ZNRF3: variants seen among roughly 807,000 people sequenced by gnomAD.
ZNRF3 encodes E3 ubiquitin-protein ligase ZNRF3.
In ZNRF3, 23 loss-of-function variants were observed where a neutral mutation model predicts 72.5. That is an observed-to-expected ratio of 0.32 (90% confidence interval 0.23 to 0.45). ZNRF3 has a LOEUF of 0.45. ZNRF3 is among the 20% of genes least tolerant of loss of function. The pLI is 1.00. For synonymous variants in ZNRF3, 610 were observed against 545.3 expected (o/e 1.12, Z -1.65); for missense variants, 1,169 against 1,272.1 (o/e 0.92, Z 1.23).
chr22:28,964,788 C>T lies in ZNRF3; in HGVS notation c.301-22288C>T, dbSNP rs79880979. ...CAGCAACAGGGCATCCCGCAGCTCA[C>T]GCTGCGGTCATCTGGCCCCTTCTGT... On this transcript the variant is annotated intron_variant, in intron 1 of 8. Coordinates refer to ENST00000544604, the MANE Select transcript of ZNRF3 (RefSeq NM_001206998.2). Among the ~76,000 whole-genome samples, 599 of 152,374 alleles carry T rather than the reference C, an allele frequency of 3.9e-3. 1 individual carries two copies. Among genetic ancestry groups the T allele is most frequent in the Non-Finnish European group, 7.0e-3 (479 of 68,040 alleles).
At chr22:28,978,947 G>A (rs1298746692) in intron 1 of ZNRF3, among the ~76,000 whole-genome samples, 13 of 152,248 alleles carry the variant, frequency 8.5e-5, no homozygotes, top group African/African-American at 2.6e-4. Context: ...CAATCCTGGT[G>A]TAAGTTTTTG....
At position 29,048,371 on chromosome 22, in the gene ZNRF3, C is replaced by G; in HGVS notation, c.913-18C>G. The G allele has an allele frequency of 2.5e-6, 4 of 1,609,290 alleles. No individual in the cohort carries two copies. In the African/African-American group the frequency reaches 4.0e-5, roughly 16 times the overall value. On this transcript the variant is annotated intron_variant, in intron 6 of 8. Transcript: ENST00000544604. This position sits in a 1 kb window ranked among gnomAD's most constrained non-coding sequence, Gnocchi z 4.9. ...GCGAGGCTGAAGGCAGACTTGTGTC[C>G]CCTCTCTCCCTGCCCAGGAGCTGCG... is the stretch of plus-strand genomic sequence containing the variant.
At position 29,050,521 on chromosome 22, in the gene ZNRF3, C is replaced by T. The variant is rs2037181443; in HGVS notation, c.2340C>T (p.Cys780=). 3 of 1,612,290 alleles carry T rather than the reference C, an allele frequency of 1.9e-6. No homozygotes were observed. The highest frequency in any genetic ancestry group is 2.7e-5 in the African/African-American group (2 of 75,038). ...DGVKYEGLPC[C]FYEEKQVARG... ...TGAAATACGAGGGTCTGCCCTGCTG[C>T]TTCTATGAAGAGAAGCAGGTGGCCC... Residue 780 remains cysteine (C), a synonymous_variant, in exon 8 of 9, where the codon TGC becomes TGT. Coordinates refer to ENST00000544604, the MANE Select transcript of ZNRF3 (RefSeq NM_001206998.2).
chr22:29,028,555 C>T (rs1254616335), intron 2 of ZNRF3, among the ~76,000 whole-genome samples: 1 of 152,178 alleles, frequency 6.6e-6, no homozygotes, highest in Non-Finnish European at 1.5e-5. Context: ...ATCTCCATTA[C>T]ACTTGATTTT....
chr22:28,900,441 T>C (rs2034081468), intron 1 of ZNRF3, among the ~76,000 whole-genome samples: 1 of 152,206 alleles, frequency 6.6e-6, no homozygotes, highest in East Asian at 1.9e-4. Context: ...TCTATGGTAC[T>C]TGGTATTGTG....
intron 1 of ZNRF3, among the ~76,000 whole-genome samples, chr22:28,934,708 C>T (rs2034787958): frequency 6.6e-6 from 1 of 151,282 alleles, no homozygotes; most frequent in Non-Finnish European, 1.5e-5. Flanking sequence ...GTCTGAGCTA[C>T]TCCAGAGGCT....
At chr22:29,001,929 G>C (rs1396155508) in intron 2 of ZNRF3, among the ~76,000 whole-genome samples, 1 of 152,084 alleles carries the variant, frequency 6.6e-6, no homozygotes, top group Non-Finnish European at 1.5e-5. Context: ...TATATTTAAG[G>C]TCCTTCTGAG....
At chr22:28,957,149 C>T (rs752461313) in intron 1 of ZNRF3, among the ~76,000 whole-genome samples, 6 of 152,192 alleles carry the variant, frequency 3.9e-5, no homozygotes, top group Non-Finnish European at 7.3e-5. Context: ...TTTATGGTTT[C>T]GAGCCAGGAC....
chr22:29,034,360 G>A (rs1315485909), intron 2 of ZNRF3, among the ~76,000 whole-genome samples: 2 of 152,268 alleles, frequency 1.3e-5, no homozygotes, highest in East Asian at 3.9e-4. Context: ...TCAAAATGTA[G>A]GTCTTCTGTC....
chr22:29,014,822 G>T (rs1212381065), intron 2 of ZNRF3, among the ~76,000 whole-genome samples: 2 of 152,244 alleles, frequency 1.3e-5, no homozygotes, highest in African/African-American at 4.8e-5. Flanking sequence ...TGATGCAGCT[G>T]CAAGGCCAAC....
At chr22:28,894,631 C>T (rs1418042233) in intron 1 of ZNRF3, among the ~76,000 whole-genome samples, 1 of 152,114 alleles carries the variant, frequency 6.6e-6, no homozygotes, top group Non-Finnish European at 1.5e-5. Flanking sequence ...TTCCTCTTTC[C>T]TGTCGAGCAG....
intron 6 of ZNRF3, 144 bp downstream of exon 6, chr22:29,047,027 C>T (rs1327048912): frequency 1.7e-5 from 13 of 784,692 alleles, no homozygotes; most frequent in Non-Finnish European, 2.2e-5. Flanking sequence ...TGAGACTTGA[C>T]TTGATACTTA....
chr22:28,944,089 T>A (rs2035001331), intron 1 of ZNRF3, among the ~76,000 whole-genome samples: 2 of 151,518 alleles, frequency 1.3e-5, no homozygotes, highest in Admixed American at 1.3e-4. Context: ...AAATTAGCAA[T>A]CATTTTTATA....
intron 1 of ZNRF3, among the ~76,000 whole-genome samples, chr22:28,906,237 G>A (rs985694587): frequency 1.4e-4 from 21 of 152,192 alleles, no homozygotes; most frequent in Non-Finnish European, 2.6e-4. Context: ...TGAGGCAGGT[G>A]GATTGCTTGA....
intron 1 of ZNRF3, among the ~76,000 whole-genome samples, chr22:28,936,623 C>T (rs1267728478): frequency 6.6e-6 from 1 of 152,020 alleles, no homozygotes; most frequent in Non-Finnish European, 1.5e-5. Context: ...ACTTCTGATC[C>T]GTTTATATTT....
chr22:28,888,650 C>T (rs2033831937), intron 1 of ZNRF3, among the ~76,000 whole-genome samples: 1 of 152,202 alleles, frequency 6.6e-6, no homozygotes, highest in African/African-American at 2.4e-5. Context: ...ATGGTTTCCT[C>T]TTATTTATAC....
chr22:28,989,203 A>AT (rs2035909838), intron 2 of ZNRF3, among the ~76,000 whole-genome samples: 1 of 152,170 alleles, frequency 6.6e-6, no homozygotes, highest in African/African-American at 2.4e-5. Context: ...GGCGGGCAGC[A>AT]TTTGCACATG....
rs1393830911 is a variant in ZNRF3, at chr22:29,043,282, C to G, written c.502-17C>G. Reference sequence around the variant, plus strand: ...AGTAAGCGCACCTTTTAACCAGAGCCCTCTCTTCTTCCTTAGCTGAACCAG... The same window carrying G: ...AGTAAGCGCACCTTTTAACCAGAGCGCTCTCTTCTTCCTTAGCTGAACCAG... On this transcript the variant is annotated splice_polypyrimidine_tract_variant and intron_variant, in intron 3 of 8. Transcript: ENST00000544604. 4.3e-6 allele frequency: 7 copies of G among 1,612,312 alleles called. No homozygotes were observed. The South Asian group carries it at 7.7e-5, about 18-fold the overall frequency.
At chr22:29,034,999 CTTTTT>C (rs10607848) in intron 2 of ZNRF3, among the ~76,000 whole-genome samples, 27 of 131,188 alleles carry the variant, frequency 2.1e-4, no homozygotes, top group African/African-American at 1.7e-4. Flanking sequence ...TTTGTTAGAC[CTTTTT>C]TTTTTTTTTT....
Sources: gnomAD v4.1 joint callset for allele counts (sites outside exome capture counted in the v4.1 genomes callset) on GRCh38, gnomAD v4.1.1 for gene constraint, Gnocchi (gnomAD v3.1) non-coding constraint, MANE v1.5 for transcripts, NCBI Gene and HGNC (gene_info 2026-07-23, HGNC 2026-07-21) for gene names.